The following NRXN3 variants were observed in gnomAD, a reference collection of about 807,000 sequenced individuals.
NRXN3 encodes neurexin 3.
Under a neutral mutation model 137.6 loss-of-function variants are expected in NRXN3, and 32 were observed. The ratio of observed to expected loss-of-function variants is 0.23; its 90% CI spans 0.18 to 0.31. The LOEUF is 0.31. Among genes scored for constraint, NRXN3 ranks in the 10% least tolerant of loss-of-function variants. The pLI, the probability that NRXN3 is intolerant of heterozygous loss-of-function variation, is 1.00. For synonymous variants in NRXN3, 798 were observed against 784.5 expected (o/e 1.02, Z -0.29); for missense variants, 1,574 against 2,062.5 (o/e 0.76, Z 4.59).
At position 78,759,922 on chromosome 14, in the gene NRXN3, T is replaced by A. The variant is rs372908445; in HGVS notation, c.2045-43698T>A. Reference sequence around the variant, plus strand: ...AGCCACAGCATTTCTAGATGATATGTCCTATTAGTATGCCCACTTTACAGA... The same window carrying A: ...AGCCACAGCATTTCTAGATGATATGACCTATTAGTATGCCCACTTTACAGA... On this transcript the variant is annotated intron_variant, in intron 8 of 20. Coordinates refer to ENST00000335750, the MANE Select transcript of NRXN3 (RefSeq NM_001330195.2). Among the ~76,000 whole-genome samples, 5 of 152,102 alleles carry A rather than the reference T, an allele frequency of 3.3e-5. No individual in the cohort carries two copies. In the East Asian group the frequency reaches 9.7e-4, roughly 29 times the overall value.
chr14:78,955,697 A>T (rs372698212), intron 10 of NRXN3, among the ~76,000 whole-genome samples: 33 of 152,308 alleles, frequency 2.2e-4, no homozygotes, highest in African/African-American at 7.7e-4. Flanking sequence ...AAAATTTTTC[A>T]CTTTGAAACT....
chr14:78,448,353 A>G (rs1430442147), intron 4 of NRXN3, among the ~76,000 whole-genome samples: 1 of 152,234 alleles, frequency 6.6e-6, no homozygotes, highest in Admixed American at 6.5e-5. Flanking sequence ...AGGCTTTTGT[A>G]AAAATACAAG....
At chr14:78,661,271 C>G (rs1163823192) in intron 6 of NRXN3, among the ~76,000 whole-genome samples, 1 of 152,218 alleles carries the variant, frequency 6.6e-6, no homozygotes, top group East Asian at 1.9e-4. Context: ...CAACCAAATT[C>G]ACATACTCAT....
intron 19 of NRXN3, among the ~76,000 whole-genome samples, chr14:79,784,689 GCTGT>G (rs2099124160): frequency 1.4e-5 from 2 of 143,500 alleles, no homozygotes; most frequent in African/African-American, 5.2e-5. Context: ...GGTGTTTAAA[GCTGT>G]CTAAGTTTCC....
chr14:79,457,693 T>A (rs1403909117), intron 15 of NRXN3, among the ~76,000 whole-genome samples: 1 of 152,208 alleles, frequency 6.6e-6, no homozygotes, highest in African/African-American at 2.4e-5. Context: ...CCCTGGCCTC[T>A]TGTAAGTATG....
At chr14:79,366,980 CTTTTTTTTTT>C (rs71131695) in intron 15 of NRXN3, among the ~76,000 whole-genome samples, 1 of 113,204 alleles carries the variant, frequency 8.8e-6, no homozygotes, top group Non-Finnish European at 1.8e-5. Flanking sequence ...GTCCCTTAGT[CTTTTTTTTTT>C]TTTTTTTTTT....
chr14:78,278,310 A>G (rs1051927457), intron 2 of NRXN3, among the ~76,000 whole-genome samples: 2 of 152,122 alleles, frequency 1.3e-5, no homozygotes, highest in Non-Finnish European at 2.9e-5. Context: ...CAACCAGAAT[A>G]TTTTAACCAA....
At chr14:79,832,657 G>A (rs915092342) in intron 20 of NRXN3, among the ~76,000 whole-genome samples, 1 of 151,972 alleles carries the variant, frequency 6.6e-6, no homozygotes, top group Non-Finnish European at 1.5e-5. Context: ...ACCCAAAATG[G>A]CAATAGTGTA....
chr14:79,386,922 A>C lies in NRXN3; in HGVS notation c.3263-80299A>C, dbSNP rs1474697977. Among the ~76,000 whole-genome samples the C allele has an allele frequency of 7.2e-5, 11 of 152,168 alleles. No individual in the cohort carries two copies. In the East Asian group the frequency reaches 1.5e-3, roughly 21 times the overall value. On this transcript the variant is annotated intron_variant, in intron 15 of 20. Transcript: ENST00000335750. ...ATATGTAGAAAGCTGACACTGGACC[A>C]CTTCCTTACACCTTATACAAAAATT...
chr14:78,941,818 A>G (rs2099353541), intron 10 of NRXN3, among the ~76,000 whole-genome samples: 1 of 152,214 alleles, frequency 6.6e-6, no homozygotes, highest in Admixed American at 6.5e-5. Context: ...GGTCTCCCAT[A>G]GCTGTTCTCT....
At chr14:79,380,066 A>G (rs970280818) in intron 15 of NRXN3, among the ~76,000 whole-genome samples, 3 of 151,814 alleles carry the variant, frequency 2.0e-5, no homozygotes, top group Non-Finnish European at 4.4e-5. Flanking sequence ...CCAACAAAAA[A>G]TAGGATGAGT....
intron 15 of NRXN3, among the ~76,000 whole-genome samples, chr14:79,257,403 G>GTAA (rs369413315): frequency 1.1e-5 from 1 of 87,454 alleles, no homozygotes; most frequent in Non-Finnish European, 2.4e-5. Flanking sequence ...GGTGGTGGTG[G>GTAA]TGGTGGTGGT....
At chr14:78,706,576 G>T (rs563267605) in intron 6 of NRXN3, among the ~76,000 whole-genome samples, 2 of 152,088 alleles carry the variant, frequency 1.3e-5, no homozygotes, top group Non-Finnish European at 2.9e-5. Flanking sequence ...CCTGTGGGCC[G>T]GTTCCCTAAC....
chr14:79,087,037 A>C (rs2048256451), intron 15 of NRXN3, among the ~76,000 whole-genome samples: 1 of 152,190 alleles, frequency 6.6e-6, no homozygotes, highest in African/African-American at 2.4e-5. Context: ...TGTTGGTGGG[A>C]GTTCTGAGCT....
chr14:79,204,215 G>C (rs965694002), intron 15 of NRXN3, among the ~76,000 whole-genome samples: 8 of 151,910 alleles, frequency 5.3e-5, no homozygotes, highest in African/African-American at 1.9e-4. Flanking sequence ...TTGAAAAAGA[G>C]ATGGTTATTT....
At chr14:78,770,103 G>A (rs972380597) in intron 8 of NRXN3, among the ~76,000 whole-genome samples, 1 of 152,174 alleles carries the variant, frequency 6.6e-6, no homozygotes, top group African/African-American at 2.4e-5. Context: ...TTAACACAAC[G>A]GGGTGATAGG....
At position 79,428,701 on chromosome 14, in the gene NRXN3, T is replaced by C. The variant is rs2095696607; in HGVS notation, c.3263-38520T>C. Among the ~76,000 whole-genome samples the C allele has an allele frequency of 2.0e-5, 3 of 152,130 alleles. No homozygotes were observed. In the South Asian group the frequency reaches 6.2e-4, roughly 32 times the overall value. On this transcript the variant is annotated intron_variant, in intron 15 of 20. Coordinates refer to ENST00000335750, the MANE Select transcript of NRXN3 (RefSeq NM_001330195.2). ...GTAACTACTTCCTTTTTTCCTAAGT[T>C]GTGGAAAATGTGAGAAATGAGAAGT...
chr14:78,338,231 G>A (rs2081709788), intron 4 of NRXN3, among the ~76,000 whole-genome samples: 1 of 152,128 alleles, frequency 6.6e-6, no homozygotes, highest in African/African-American at 2.4e-5. Context: ...GTAGCCATTA[G>A]CCACATGTGA....
At chr14:79,253,397 G>C in intron 15 of NRXN3, among the ~76,000 whole-genome samples, 1 of 152,092 alleles carries the variant, frequency 6.6e-6, no homozygotes, top group South Asian at 2.1e-4. Context: ...CAGAGCATGA[G>C]GCTAGAAATC....
Sources: allele counts gnomAD v4.1 joint callset (sites outside exome capture counted in the v4.1 genomes callset), GRCh38; gene constraint gnomAD v4.1.1; transcripts MANE v1.5; gene names NCBI Gene and HGNC (gene_info 2026-07-23, HGNC 2026-07-21).